The following ZBTB20 variants were observed in gnomAD, a reference collection of about 807,000 sequenced individuals.
ZBTB20 encodes zinc finger and BTB domain containing 20, also known as zinc finger and BTB domain-containing protein 20.
A neutral mutation model predicts 56.9 loss-of-function variants in ZBTB20; 9 were observed. The observed-to-expected ratio is 0.16, with a 90% CI of 0.10 to 0.28. ZBTB20 has a LOEUF of 0.28. ZBTB20 is among the 10% of genes least tolerant of loss of function. The probability of loss-of-function intolerance (pLI) is 1.00; values close to 1 mark genes in which losing one functional copy is unlikely to be tolerated. For missense variants in ZBTB20, 655 were observed against 1,003.0 expected (o/e 0.65, Z 4.69); for synonymous variants, 417 against 420.7 (o/e 0.99, Z 0.11).
At chr3:114,372,488 G>T (rs569868257) in intron 10 of ZBTB20, among the ~76,000 whole-genome samples, 52 of 152,300 alleles carry the variant, frequency 3.4e-4, no homozygotes, top group African/African-American at 1.2e-3. Context: ...GTTCCAGCAT[G>T]ACACCTGTAG....
At chr3:114,455,053 A>AG (rs544523587) in intron 7 of ZBTB20, among the ~76,000 whole-genome samples, 236 of 113,992 alleles carry the variant, frequency 2.1e-3, no homozygotes, top group East Asian at 3.0e-3. Context: ...GAAGAGAGAG[A>AG]GGGGGGGGAG....
chr3:114,697,024 T>A (rs2063070048), intron 5 of ZBTB20, among the ~76,000 whole-genome samples: 1 of 149,576 alleles, frequency 6.7e-6, no homozygotes, highest in African/African-American at 2.5e-5. Flanking sequence ...AGATGTTTTC[T>A]CTTTCATTAA....
At chr3:114,832,245 A>C (rs888603516) in intron 4 of ZBTB20, among the ~76,000 whole-genome samples, 3 of 152,088 alleles carry the variant, frequency 2.0e-5, no homozygotes, top group African/African-American at 4.8e-5. Flanking sequence ...ACTCAAATTC[A>C]GGTTTGGATG....
intron 7 of ZBTB20, among the ~76,000 whole-genome samples, chr3:114,486,981 A>C (rs2109443401): frequency 6.6e-6 from 1 of 152,088 alleles, no homozygotes; most frequent in South Asian, 2.1e-4. Context: ...CTGATAAAAG[A>C]AAAAAAACTC....
chr3:114,890,485 G>A (rs1490120727), intron 4 of ZBTB20, among the ~76,000 whole-genome samples: 2 of 152,162 alleles, frequency 1.3e-5, no homozygotes, highest in African/African-American at 2.4e-5. Context: ...ATCATTCTGA[G>A]CAAACTGTCA....
chr3:115,125,649 A>G (rs2084310920), intron 1 of ZBTB20, among the ~76,000 whole-genome samples: 1 of 152,226 alleles, frequency 6.6e-6, no homozygotes, highest in Non-Finnish European at 1.5e-5. Context: ...AGAGATGTAC[A>G]GTATGGTGAC....
rs11302473 is a variant in ZBTB20, at chr3:114,390,991, G to GT, written c.-254-1887dup. On this transcript the variant is annotated intron_variant, in intron 7 of 11. Coordinates refer to ENST00000675478, the MANE Select transcript of ZBTB20 (RefSeq NM_001348800.3). ...CTGGGGAGTCATCTTCAATTCTTCCGTTTTTTTTTTCTTCCTATATCCAAT... is the reference window on the plus strand; with the variant it reads ...CTGGGGAGTCATCTTCAATTCTTCCGTTTTTTTTTTTCTTCCTATATCCAAT... 1.3e-4 allele frequency among the ~76,000 whole-genome samples: 20 copies of GT among 150,176 alleles called. No individual in the cohort carries two copies. The East Asian group carries it at 1.6e-3, about 12-fold the overall frequency.
chr3:115,056,042 G>C (rs2081768294), intron 2 of ZBTB20, among the ~76,000 whole-genome samples: 1 of 151,866 alleles, frequency 6.6e-6, no homozygotes, highest in Non-Finnish European at 1.5e-5. Flanking sequence ...ATGCCAAAAG[G>C]GTGAAAATAT....
chr3:114,434,558 T>TTGTGTGTGTGTGTGTG (rs71146320), intron 7 of ZBTB20, among the ~76,000 whole-genome samples: 9,733 of 145,916 alleles, frequency 0.067, 425 homozygotes, highest in East Asian at 0.17. Context: ...GTGTGTGTGT[T>TTGTGTGTGTGTGTGTG]TGTGTGTGTG....
intron 6 of ZBTB20, among the ~76,000 whole-genome samples, chr3:114,641,413 TTAG>T (rs1233631731): frequency 6.6e-6 from 1 of 151,912 alleles, no homozygotes; most frequent in Non-Finnish European, 1.5e-5. Context: ...AACAGTTTTG[TTAG>T]TAGTATAATA....
intron 5 of ZBTB20, among the ~76,000 whole-genome samples, chr3:114,699,175 GC>G (rs1381402496): frequency 6.6e-6 from 1 of 152,094 alleles, no homozygotes; most frequent in Non-Finnish European, 1.5e-5. Flanking sequence ...ATTTCCACCA[GC>G]CCTTTTGGGC....
At chr3:114,635,763 A>G (rs530852907) in intron 6 of ZBTB20, among the ~76,000 whole-genome samples, 2 of 152,026 alleles carry the variant, frequency 1.3e-5, no homozygotes, top group South Asian at 4.1e-4. Flanking sequence ...GAGCACAAAG[A>G]AAAAACAAGG....
chr3:115,143,416 G>A (rs570157033), intron 1 of ZBTB20, among the ~76,000 whole-genome samples: 1 of 152,248 alleles, frequency 6.6e-6, no homozygotes, highest in African/African-American at 2.4e-5. Flanking sequence ...CTTAGTCCCA[G>A]CTACTAGGAG....
At chr3:115,111,573 G>C (rs959583497) in intron 1 of ZBTB20, among the ~76,000 whole-genome samples, 2 of 151,980 alleles carry the variant, frequency 1.3e-5, no homozygotes, top group African/African-American at 4.8e-5. Flanking sequence ...TTGCACTTTA[G>C]CAGTTTAATC....
At chr3:114,623,028 C>G (rs1473592551) in intron 6 of ZBTB20, among the ~76,000 whole-genome samples, 1 of 152,132 alleles carries the variant, frequency 6.6e-6, no homozygotes, top group Non-Finnish European at 1.5e-5. Flanking sequence ...TTATGGCCAC[C>G]ATGTTTTTTT....
chr3:114,400,065 C>CT (rs1435822836), intron 7 of ZBTB20, among the ~76,000 whole-genome samples: 9 of 151,900 alleles, frequency 5.9e-5, no homozygotes, highest in African/African-American at 9.7e-5. Flanking sequence ...GCAGAAAATG[C>CT]TTTTTTTCCC....
rs2083199259 is a variant in ZBTB20, at chr3:115,091,700, CATATATAT to C, written c.-702-20294_-702-20287del. 3.3e-5 allele frequency among the ~76,000 whole-genome samples: 5 copies of C among 149,408 alleles called. No individual in the cohort carries two copies. The South Asian group carries it at 1.0e-3, about 31-fold the overall frequency. The stretch of plus-strand genomic sequence containing the variant: ...TTTATATATATATATATAACACACA[CATATATAT>C]AATACATACATATATATATATATAT... On this transcript the variant is annotated intron_variant, in intron 1 of 11. Transcript: ENST00000675478.
intron 6 of ZBTB20, among the ~76,000 whole-genome samples, chr3:114,615,671 A>G (rs1440353111): frequency 1.2e-4 from 18 of 152,202 alleles, no homozygotes; most frequent in Admixed American, 1.2e-3. Context: ...TTAAGCCTGT[A>G]TCAGCTGCAA....
intron 6 of ZBTB20, among the ~76,000 whole-genome samples, chr3:114,614,910 A>T (rs1017846607): frequency 1.8e-4 from 27 of 152,116 alleles, no homozygotes; most frequent in Non-Finnish European, 1.0e-4. Context: ...GGTGTGTGCC[A>T]CCACATCCAG....
Sources: allele counts gnomAD v4.1 joint callset (sites outside exome capture counted in the v4.1 genomes callset), GRCh38; gene constraint gnomAD v4.1.1; transcripts MANE v1.5; gene names NCBI Gene and HGNC (gene_info 2026-07-23, HGNC 2026-07-21).